PCSK6: variants seen among roughly 807,000 people sequenced by gnomAD.
PCSK6 encodes proprotein convertase subtilisin/kexin type 6, also known as paired basic amino acid cleaving enzyme 4.
A neutral mutation model predicts 123.3 loss-of-function variants in PCSK6; 85 were observed. The ratio of observed to expected loss-of-function variants is 0.69; its 90% CI spans 0.58 to 0.83. The LOEUF is 0.83. Among genes scored for constraint, PCSK6 ranks in the 40% least tolerant of loss-of-function variants. PCSK6 has a pLI of 0.00. For synonymous variants in PCSK6, 508 were observed against 516.0 expected (o/e 0.98, Z 0.21); for missense variants, 1,191 against 1,282.3 (o/e 0.93, Z 1.09).
intron 10 of PCSK6, 111 bp downstream of exon 10, chr15:101,384,211 A>G (rs561684422): frequency 2.7e-6 from 4 of 1,507,806 alleles, no homozygotes; most frequent in Non-Finnish European, 1.8e-6. Context: ...GTGACACACA[A>G]TTAATAATAA....
Position 101,429,916 on chromosome 15 carries a change from C to T in PCSK6, c.734+71G>A, listed in dbSNP as rs772194753. On this transcript the variant is annotated intron_variant, in intron 5 of 21. Transcript: ENST00000611716. The stretch of plus-strand genomic sequence containing the variant: ...GCAGCCACCGCCTCTCCAGCTCCCT[C>T]GCACACACATTCAATAGTGACGCTG... 1.8e-4 allele frequency: 245 copies of T among 1,330,876 alleles called. 1 individual carries two copies. The highest frequency in any genetic ancestry group is 4.0e-4 in the Middle Eastern group (2 of 5,016). The allele number at this position is 1,330,876 out of a possible 1,614,324, so 82.4% of individuals were successfully genotyped here. A position where few individuals can be genotyped will look rare whatever the true frequency, so the allele number is the denominator to read the frequency against.
At chr15:101,465,173 G>GT (rs1294791220) in intron 1 of PCSK6, among the ~76,000 whole-genome samples, 1 of 152,230 alleles carries the variant, frequency 6.6e-6, no homozygotes, top group East Asian at 1.9e-4. Context: ...GGCAATCAGC[G>GT]TGTGTGGTGA....
At chr15:101,410,401 A>G (rs2042911696) in intron 6 of PCSK6, among the ~76,000 whole-genome samples, 1 of 152,224 alleles carries the variant, frequency 6.6e-6, no homozygotes, top group African/African-American at 2.4e-5. Context: ...TTAGAGAGAG[A>G]GAGAAGGAGA....
intron 6 of PCSK6, among the ~76,000 whole-genome samples, chr15:101,409,286 T>C (rs1255585276): frequency 1.3e-5 from 2 of 148,276 alleles, no homozygotes; most frequent in East Asian, 4.0e-4. Context: ...TGAAACCCTG[T>C]CTCTATTAAA....
At chr15:101,459,551 CCGTCCCCCCCACCATTCCT>C (rs2057290314) in intron 1 of PCSK6, among the ~76,000 whole-genome samples, 1 of 148,916 alleles carries the variant, frequency 6.7e-6, no homozygotes, top group Non-Finnish European at 1.5e-5. Flanking sequence ...GCCACCATTC[CCGTCCCCCCCACCATTCCT>C]CACTGCACTA....
chr15:101,408,005 CGG>C (rs1241479966), intron 6 of PCSK6, among the ~76,000 whole-genome samples: 1 of 152,194 alleles, frequency 6.6e-6, no homozygotes, highest in African/African-American at 2.4e-5. Flanking sequence ...GACCCTTTCA[CGG>C]TCTCCCCGCT....
At chr15:101,452,087 T>C (rs1337975838) in intron 1 of PCSK6, among the ~76,000 whole-genome samples, 1 of 152,238 alleles carries the variant, frequency 6.6e-6, no homozygotes, top group Non-Finnish European at 1.5e-5. Flanking sequence ...GTTAAGATGA[T>C]TGCACAATTT....
At chr15:101,347,434 T>C in intron 13 of PCSK6, 2 of 1,239,158 alleles carry the variant, frequency 1.6e-6, no homozygotes, top group Non-Finnish European at 2.0e-6. Context: ...AGGGAAAACA[T>C]GGTCACACAG....
chr15:101,403,551 T>C (rs1416884757), intron 6 of PCSK6, among the ~76,000 whole-genome samples: 3 of 152,122 alleles, frequency 2.0e-5, no homozygotes, highest in Non-Finnish European at 2.9e-5. Flanking sequence ...ACACGTTAGT[T>C]ATAAAGCCTA....
intron 19 of PCSK6, among the ~76,000 whole-genome samples, chr15:101,315,460 G>A (rs2039967419): frequency 6.6e-6 from 1 of 152,220 alleles, no homozygotes; most frequent in African/African-American, 2.4e-5. Flanking sequence ...ATAGCAATAA[G>A]AGCAGAACGG....
At chr15:101,317,207 C>T (rs1449130195) in intron 19 of PCSK6, among the ~76,000 whole-genome samples, 3 of 152,082 alleles carry the variant, frequency 2.0e-5, no homozygotes, top group Non-Finnish European at 4.4e-5. Flanking sequence ...CCACTGTGCC[C>T]GGCCAGTAGA....
chr15:101,378,251 C>T (rs993787445), intron 11 of PCSK6, among the ~76,000 whole-genome samples: 6 of 152,136 alleles, frequency 3.9e-5, no homozygotes, highest in Non-Finnish European at 5.9e-5. Context: ...TCCTATGTAC[C>T]TTCGTTTAAT....
intron 19 of PCSK6, among the ~76,000 whole-genome samples, chr15:101,314,007 C>T (rs992672917): frequency 6.6e-6 from 1 of 152,202 alleles, no homozygotes; most frequent in African/African-American, 2.4e-5. Flanking sequence ...CTTCAAATTG[C>T]ACCCGTGGCT....
rs79080214 is a variant in PCSK6 at position 101,421,542 on chromosome 15, A to G, written c.823+6350T>C. 4.2e-3 allele frequency among the ~76,000 whole-genome samples: 634 copies of G among 152,278 alleles called. 5 individuals are homozygous for G. The East Asian group carries it at 0.054, about 13-fold the overall frequency. ...GGTTTGGTTTTGCTTTTTCTCTTGA[A>G]TCACTTGTTATAAAGAAAGCCAGCT... On this transcript the variant is annotated intron_variant, in intron 6 of 21. Transcript: ENST00000611716.
intron 1 of PCSK6, among the ~76,000 whole-genome samples, chr15:101,466,596 A>C (rs1379865686): frequency 6.6e-6 from 1 of 152,228 alleles, no homozygotes; most frequent in Non-Finnish European, 1.5e-5. Flanking sequence ...GGAACAACCT[A>C]AATGTCCATC....
intron 1 of PCSK6, among the ~76,000 whole-genome samples, chr15:101,480,269 A>G (rs556922203): frequency 2.0e-5 from 3 of 152,344 alleles, no homozygotes; most frequent in Admixed American, 2.0e-4. Context: ...GGAAGATTAG[A>G]GAACTAACAG....
At chr15:101,382,065 G>C (rs1470139565) in intron 11 of PCSK6, 27 bp downstream of exon 11, 3 of 1,521,624 alleles carry the variant, frequency 2.0e-6, no homozygotes, top group Non-Finnish European at 2.7e-6. Flanking sequence ...TGCCTGAGAA[G>C]TCACCGATGC....
chr15:101,440,920 T>G lies in PCSK6; in HGVS notation c.402+2636A>C, dbSNP rs140885313. ...CTAGACAAATTTAAACAGAGGTATT[T>G]CAGTTGCGATTCTGAATTCATAATC... On this transcript the variant is annotated intron_variant, in intron 2 of 21. Transcript: ENST00000611716. 3.7e-4 allele frequency among the ~76,000 whole-genome samples: 56 copies of G among 152,348 alleles called. No individual in the cohort carries two copies. The East Asian group carries it at 0.011, about 29-fold the overall frequency.
chr15:101,330,442 C>T (rs1298770995), intron 15 of PCSK6, among the ~76,000 whole-genome samples: 3 of 152,236 alleles, frequency 2.0e-5, no homozygotes, highest in African/African-American at 7.2e-5. Context: ...ATCCACCTGA[C>T]CTTGCATTGG....
Sources: gnomAD v4.1 joint callset for allele counts (sites outside exome capture counted in the v4.1 genomes callset) on GRCh38, gnomAD v4.1.1 for gene constraint, MANE v1.5 for transcripts, NCBI Gene and HGNC (gene_info 2026-07-23, HGNC 2026-07-21) for gene names.